The following TBC1D7 variants were observed in gnomAD, a reference collection of about 807,000 sequenced individuals.
TBC1D7 encodes TBC domain family 7.
Under a neutral mutation model 35.3 loss-of-function variants are expected in TBC1D7, and 33 were observed. The observed-to-expected ratio is 0.93, with a 90% CI of 0.71 to 1.25. The LOEUF (loss-of-function observed/expected upper bound fraction) is 1.25. Ranked by LOEUF, TBC1D7 falls within the 50% of genes most tolerant of loss-of-function variation. The pLI is 0.00. For missense variants in TBC1D7, 362 were observed against 365.3 expected (o/e 0.99, Z 0.07); for synonymous variants, 135 against 129.5 (o/e 1.04, Z -0.29).
chr6:13,317,428 C>T (rs1783711433), intron 4 of TBC1D7, among the ~76,000 whole-genome samples: 1 of 152,106 alleles, frequency 6.6e-6, no homozygotes, highest in Admixed American at 6.5e-5. Flanking sequence ...GATTTAATAG[C>T]TGAAGGATTT....
Position 13,305,464 on chromosome 6 carries a change from G to A in TBC1D7, c.796-277C>T, listed in dbSNP as rs1237256994. 2.6e-5 allele frequency among the ~76,000 whole-genome samples: 4 copies of A among 152,282 alleles called. No individual in the cohort carries two copies. The South Asian group carries it at 6.2e-4, about 24-fold the overall frequency. ...TCAGATCCCCATCTCTAAAATGGGG[G>A]AAATGATAGCCTGACTTCACAGAGC... On this transcript the variant is annotated intron_variant, in intron 7 of 7. Transcript: ENST00000379300.
At chr6:13,306,266 T>C (rs1359418539) in intron 7 of TBC1D7, 132 bp downstream of exon 7, 1 of 636,598 alleles carries the variant, frequency 1.6e-6, no homozygotes, top group Non-Finnish European at 2.5e-6. Context: ...AATTATTCTC[T>C]GAAACATTCT....
intron 4 of TBC1D7, chr6:13,319,402 T>C (rs929223786): frequency 1.3e-5 from 2 of 150,666 alleles, no homozygotes; most frequent in East Asian, 1.9e-4. Context: ...AGAAGTTGCG[T>C]TGAGCCAAGA....
chr6:13,305,178 C>G lies in TBC1D7; in HGVS notation c.805G>C (p.Asp269His). The G allele has an allele frequency of 6.2e-7, 1 of 1,614,168 alleles. No individual in the cohort carries two copies. Among genetic ancestry groups the G allele is most frequent in the Non-Finnish European group, 8.5e-7 (1 of 1,180,034 alleles). Residue 269 changes from aspartate (D) to histidine (H), a missense_variant, in exon 8 of 8, where the codon GAC (aspartate) becomes CAC (histidine). Asp to His is a moderately conservative substitution (Grantham distance 81). Transcript: ENST00000379300. ...ITKFLENIPQ[D>H]SSDAIVSKAI... ...TTGCTCACGATCGCGTCTGAGCTGT[C>G]CTGGGGAATCTGTGGGCAAGCAAAT...
In TBC1D7 at chr6:13,306,541, G is replaced by A. The variant is rs748792743; in HGVS notation, c.666-14C>T. The A allele has an allele frequency of 1.3e-6, 2 of 1,568,864 alleles. No homozygotes were observed. Among genetic ancestry groups the A allele is most frequent in the Non-Finnish European group, 1.7e-6 (2 of 1,160,596 alleles). ...TTATCCCAAACCCTACAAAAATAAG[G>A]AGATATAATCAAATTATATGAGTTT... On this transcript the variant is annotated splice_polypyrimidine_tract_variant and intron_variant, in intron 6 of 7. Coordinates refer to ENST00000379300, the MANE Select transcript of TBC1D7 (RefSeq NM_016495.6).
chr6:13,328,136 G>A (rs1387265393), intron 1 of TBC1D7, 160 bp downstream of exon 1: 1 of 152,150 alleles, frequency 6.6e-6, no homozygotes, highest in Non-Finnish European at 1.5e-5. Context: ...TGTTGTCTAA[G>A]GACACCCATT....
At chr6:13,323,305 C>T (rs1446751230) in intron 3 of TBC1D7, among the ~76,000 whole-genome samples, 1 of 151,862 alleles carries the variant, frequency 6.6e-6, no homozygotes, top group South Asian at 2.1e-4. Context: ...GTGCTGAGAT[C>T]GCGCCACTGC....
Position 13,325,047 on chromosome 6 carries a change from C to T in TBC1D7, c.193+47G>A, listed in dbSNP as rs2439553. The T allele has an allele frequency of 0.4, 546,805 of 1,383,164 alleles. 116,696 individuals are homozygous for T. Among genetic ancestry groups the T allele is most frequent in the East Asian group, 0.67 (29,182 of 43,378 alleles). The allele number at this position is 1,383,164 out of a possible 1,614,324, so 85.7% of individuals were successfully genotyped here. A position where few individuals can be genotyped will look rare whatever the true frequency, so the allele number is the denominator to read the frequency against. On this transcript the variant is annotated intron_variant, in intron 3 of 7. Coordinates refer to ENST00000379300, the MANE Select transcript of TBC1D7 (RefSeq NM_016495.6). ...CTGATAAGATAGCAAATGATCCCTT[C>T]ATTCAATATTTTTTAAGATAAATCT...
In TBC1D7 at chr6:13,325,146, C is replaced by T; in HGVS notation, c.141G>A (p.Gln47=). The change falls in exon 3 of 8, where the codon CAG becomes CAA. Residue 47 remains glutamine (Q), a synonymous_variant. Coordinates refer to ENST00000379300, the MANE Select transcript of TBC1D7 (RefSeq NM_016495.6). The stretch of plus-strand genomic sequence containing the variant: ...GGTACATGGACGGGAGAGGGAACCT[C>T]TGACTAAAAGTACAAAGTTTCTCAG... ...LDTEKLCTFS[Q]RFPLPSMYRA... 1 of 1,613,726 alleles carries T rather than the reference C, an allele frequency of 6.2e-7. No individual in the cohort carries two copies. Among genetic ancestry groups the T allele is most frequent in the Non-Finnish European group, 8.5e-7 (1 of 1,179,758 alleles).
At chr6:13,323,592 A>G (rs2127542068) in intron 3 of TBC1D7, 1 of 152,318 alleles carries the variant, frequency 6.6e-6, no homozygotes, top group South Asian at 2.1e-4. Context: ...TGCTCTGGGA[A>G]AAACTAAAAT....
intron 4 of TBC1D7, chr6:13,320,697 C>A: frequency 1.5e-6 from 1 of 672,888 alleles, no homozygotes; most frequent in South Asian, 1.6e-5. Context: ...GAAATTACTT[C>A]AAAATAAAAC....
chr6:13,305,505 A>C, intron 7 of TBC1D7: 1 of 404,968 alleles, frequency 2.5e-6, no homozygotes, highest in Non-Finnish European at 4.6e-6. Context: ...ACAGTAGGAC[A>C]TGAGGTAACC....
In TBC1D7 at chr6:13,317,924, T is replaced by C. The variant is rs114011978; in HGVS notation, c.382-1216A>G. Reference sequence around the variant, plus strand: ...AACTTATGTTGAAATTTAATCCCCATTGTGGCAGTATTGAGAAGTGGGGCC... The same window carrying C: ...AACTTATGTTGAAATTTAATCCCCACTGTGGCAGTATTGAGAAGTGGGGCC... On this transcript the variant is annotated intron_variant, in intron 4 of 7. Transcript: ENST00000379300. Among the ~76,000 whole-genome samples the C allele has an allele frequency of 3.9e-3, 589 of 152,344 alleles. 5 individuals carry two copies. The highest frequency in any genetic ancestry group is 9.3e-3 in the African/African-American group (386 of 41,580).
chr6:13,324,111 A>C (rs75969734), intron 3 of TBC1D7, among the ~76,000 whole-genome samples: 3,665 of 151,268 alleles, frequency 0.024, 136 homozygotes, highest in African/African-American at 0.084. Flanking sequence ...ACAAACTGTA[A>C]GTTTTTTTTT....
At chr6:13,310,514 G>A (rs978827197) in intron 5 of TBC1D7, among the ~76,000 whole-genome samples, 44 of 152,022 alleles carry the variant, frequency 2.9e-4, no homozygotes, top group African/African-American at 8.0e-4. Flanking sequence ...GGCATGTGCC[G>A]GTGATCCCAG....
intron 1 of TBC1D7, 57 bp downstream of exon 1, chr6:13,328,239 T>C (rs1380185247): frequency 6.6e-6 from 1 of 152,096 alleles, no homozygotes; most frequent in Non-Finnish European, 1.5e-5. Context: ...ATGGGAAAAG[T>C]AAAAACACCC....
At chr6:13,312,968 A>G (rs1465546895) in intron 5 of TBC1D7, among the ~76,000 whole-genome samples, 5 of 152,100 alleles carry the variant, frequency 3.3e-5, no homozygotes, top group African/African-American at 9.7e-5. Context: ...TAAAAAATGG[A>G]TAGTTGTGTC....
chr6:13,322,551 T>A (rs1784116743), intron 3 of TBC1D7, among the ~76,000 whole-genome samples: 1 of 152,210 alleles, frequency 6.6e-6, no homozygotes, highest in South Asian at 2.1e-4. Context: ...CACTAAGCTG[T>A]ATAAGTGTTA....
rs115154425 is a variant in TBC1D7 at position 13,316,864 on chromosome 6, G to C, written c.382-156C>G. Among the ~76,000 whole-genome samples the C allele has an allele frequency of 7.5e-3, 1,140 of 152,244 alleles. 8 individuals carry two copies. The highest frequency in any genetic ancestry group is 0.012 in the Non-Finnish European group (833 of 68,014). Reference sequence around the variant, plus strand: ...AAGCACAGAGTCCCTCCCTGAAGAGGGGAGCAAGGGGGAGAAAAAGATGAG... The same window carrying C: ...AAGCACAGAGTCCCTCCCTGAAGAGCGGAGCAAGGGGGAGAAAAAGATGAG... On this transcript the variant is annotated intron_variant, in intron 4 of 7. Coordinates refer to ENST00000379300, the MANE Select transcript of TBC1D7 (RefSeq NM_016495.6).
Sources: allele counts gnomAD v4.1 joint callset (sites outside exome capture counted in the v4.1 genomes callset), GRCh38; gene constraint gnomAD v4.1.1; transcripts MANE v1.5; gene names NCBI Gene and HGNC (gene_info 2026-07-23, HGNC 2026-07-21).